The following RSPH14 variants were observed in gnomAD, a reference collection of about 807,000 sequenced individuals.
RSPH14 encodes the protein radial spoke head 14 homolog.
RSPH14 carries 20 observed loss-of-function variants against 26.7 expected under a neutral mutation model. That is an observed-to-expected ratio of 0.75 (90% confidence interval 0.53 to 1.09). The LOEUF is 1.09. RSPH14 is among the 50% of genes least tolerant of loss of function. RSPH14 has a pLI of 0.00. For synonymous variants in RSPH14, 177 were observed against 189.3 expected (o/e 0.93, Z 0.53); for missense variants, 449 against 457.2 (o/e 0.98, Z 0.16).
chr22:23,083,634 C>T (rs1601767086), intron 4 of RSPH14, among the ~76,000 whole-genome samples: 1 of 152,114 alleles, frequency 6.6e-6, no homozygotes, highest in Non-Finnish European at 1.5e-5. Flanking sequence ...AAACCACACA[C>T]AAGCCATTGG....
At chr22:23,126,281 C>T (rs3788350) in intron 4 of RSPH14, among the ~76,000 whole-genome samples, 85,643 of 151,976 alleles carry the variant, frequency 0.56, 24,397 homozygotes, top group African/African-American at 0.62. Flanking sequence ...CAGAACCTAG[C>T]CAGGAGTCTC....
At chr22:23,165,915 G>A in the RSPH14 span, among the ~76,000 whole-genome samples, 1 of 152,162 alleles carries the variant, frequency 6.6e-6, no homozygotes, top group African/African-American at 2.4e-5. Flanking sequence ...GGGAGGCCAA[G>A]GCGGGCGGAT....
chr22:23,094,839 C>T (rs1031326085), intron 4 of RSPH14, among the ~76,000 whole-genome samples: 7 of 152,158 alleles, frequency 4.6e-5, no homozygotes, highest in South Asian at 2.1e-4. Flanking sequence ...AGGGCTGGGC[C>T]GAGGCCTGGC....
chr22:23,065,215 C>T (rs533032963), intron 4 of RSPH14, among the ~76,000 whole-genome samples: 1 of 152,304 alleles, frequency 6.6e-6, no homozygotes, highest in East Asian at 1.9e-4. Flanking sequence ...GAAGACATCA[C>T]CCCAACCTTC....
Position 23,141,739 on chromosome 22 carries a change from T to C in RSPH14, c.-53+210A>G, listed in dbSNP as rs535488394. 3.1e-4 allele frequency among the ~76,000 whole-genome samples: 47 copies of C among 152,320 alleles called. No homozygotes were observed. The South Asian group carries it at 5.8e-3, about 19-fold the overall frequency. On this transcript the variant is annotated intron_variant, in intron 1 of 6. Coordinates refer to ENST00000216036, the MANE Select transcript of RSPH14 (RefSeq NM_014433.3). ...AGTGGGGGCCGGACTGGGAGGGACGTGGCCATGTTTGAGTTGAGCTCCCCT... is the reference window on the plus strand; with the variant it reads ...AGTGGGGGCCGGACTGGGAGGGACGCGGCCATGTTTGAGTTGAGCTCCCCT...
chr22:23,164,773 G>A, the RSPH14 span, among the ~76,000 whole-genome samples: 4 of 152,096 alleles, frequency 2.6e-5, no homozygotes, highest in South Asian at 2.1e-4. Context: ...GTGTCCTTCC[G>A]TTCACCTGTC....
At chr22:23,173,529 C>T in the RSPH14 span, among the ~76,000 whole-genome samples, 1 of 152,036 alleles carries the variant, frequency 6.6e-6, no homozygotes, top group South Asian at 2.1e-4. Context: ...AAACTTCAAC[C>T]TCCCTGGCTC....
intron 4 of RSPH14, chr22:23,095,557 G>A: frequency 1.1e-6 from 1 of 916,528 alleles, no homozygotes; most frequent in Non-Finnish European, 1.6e-6. Flanking sequence ...CTGCAGTGTG[G>A]CTCGGCCTCA....
chr22:23,095,491 C>A, intron 4 of RSPH14: 1 of 593,100 alleles, frequency 1.7e-6, no homozygotes, highest in Non-Finnish European at 2.9e-6. Context: ...GAGGGGCGGC[C>A]ACCGCCCGCT....
chr22:23,082,124 C>CA (rs1312552241), intron 4 of RSPH14, among the ~76,000 whole-genome samples: 27 of 65,246 alleles, frequency 4.1e-4, no homozygotes, highest in East Asian at 1.4e-3. Context: ...GACTCCGCCT[C>CA]AAAAAAAAAA....
At chr22:23,083,095 C>G (rs2068725122) in intron 4 of RSPH14, among the ~76,000 whole-genome samples, 1 of 152,066 alleles carries the variant, frequency 6.6e-6, no homozygotes, top group African/African-American at 2.4e-5. Flanking sequence ...GAAGAGGACT[C>G]TCCACACAGA....
intron 4 of RSPH14, chr22:23,095,217 G>A (rs2069090820): frequency 5.9e-6 from 1 of 169,532 alleles, no homozygotes; most frequent in African/African-American, 2.4e-5. Context: ...CTGCGGGGAG[G>A]AGGCTCACGC....
At chr22:23,159,909 A>T in the RSPH14 span, among the ~76,000 whole-genome samples, 4 of 152,350 alleles carry the variant, frequency 2.6e-5, no homozygotes, top group African/African-American at 9.6e-5. Flanking sequence ...GATGCCATCC[A>T]TCTCCCTTTT....
chr22:23,171,712 C>T, the RSPH14 span, among the ~76,000 whole-genome samples: 37 of 151,920 alleles, frequency 2.4e-4, no homozygotes, highest in African/African-American at 7.7e-4. Context: ...CGTGGTGGCA[C>T]GTGCCTGTAA....
the RSPH14 span, chr22:23,158,933 C>A: frequency 6.2e-7 from 1 of 1,614,208 alleles, no homozygotes; most frequent in Admixed American, 1.7e-5. Context: ...GAGAACGAGG[C>A]AGGCTCCTGC....
chr22:23,114,950 A>T (rs922511685), intron 4 of RSPH14, among the ~76,000 whole-genome samples: 2 of 152,152 alleles, frequency 1.3e-5, no homozygotes, highest in Non-Finnish European at 2.9e-5. Context: ...GGCATCTCAG[A>T]AGCTGGCAGG....
At chr22:23,154,848 G>A in the RSPH14 span, among the ~76,000 whole-genome samples, 8 of 152,170 alleles carry the variant, frequency 5.3e-5, no homozygotes, top group South Asian at 4.1e-4. Flanking sequence ...GACCATGACC[G>A]GGCATGGTGG....
rs370612899 is a variant in RSPH14 at position 23,059,451 on chromosome 22, G to A, written c.*11C>T. ...AGCACATTTATTCACTCACAGAGGT[G>A]AATGAAGGGCTCAGGGTTTGAACTC... On this transcript the variant is annotated 3_prime_UTR_variant, in exon 7 of 7. Coordinates refer to ENST00000216036, the MANE Select transcript of RSPH14 (RefSeq NM_014433.3). 5.8e-4 allele frequency: 920 copies of A among 1,588,264 alleles called. 1 individual carries two copies. Among genetic ancestry groups the A allele is most frequent in the Non-Finnish European group, 6.2e-4 (727 of 1,163,794 alleles).
At chr22:23,147,616 GACC>G (rs1470810961), upstream of RSPH14, among the ~76,000 whole-genome samples, 2 of 152,172 alleles carry the variant, frequency 1.3e-5, no homozygotes, top group African/African-American at 4.8e-5. Context: ...TATAGGTGTG[GACC>G]ACCACAACTG....
Sources: gnomAD v4.1 joint callset for allele counts (sites outside exome capture counted in the v4.1 genomes callset) on GRCh38, gnomAD v4.1.1 for gene constraint, MANE v1.5 for transcripts, NCBI Gene and HGNC (gene_info 2026-07-23, HGNC 2026-07-21) for gene names.